Variants in LCORL observed in about 807,000 individuals in gnomAD.
LCORL encodes the protein ligand-dependent nuclear receptor corepressor-like protein.
In LCORL, 41 loss-of-function variants were observed where a neutral mutation model predicts 141.8. That is an observed-to-expected ratio of 0.29 (90% CI 0.23 to 0.38). The LOEUF (loss-of-function observed/expected upper bound fraction) is 0.38, where lower values mean the gene tolerates loss of function less well. Among genes scored for constraint, LCORL ranks in the 10% least tolerant of loss-of-function variants. LCORL has a pLI of 1.00. For synonymous variants in LCORL, 618 were observed against 694.1 expected (o/e 0.89, Z 1.72); for missense variants, 1,759 against 2,035.0 (o/e 0.86, Z 2.61).
chr4:18,011,497 C>G (rs1723785198), intron 1 of LCORL, among the ~76,000 whole-genome samples: 2 of 151,448 alleles, frequency 1.3e-5, no homozygotes, highest in South Asian at 4.2e-4. Context: ...ATTTATACTT[C>G]CAGTCCTACT....
chr4:17,850,912 A>C (rs1285165168), intron 7 of LCORL, among the ~76,000 whole-genome samples: 1 of 150,866 alleles, frequency 6.6e-6, no homozygotes, highest in African/African-American at 2.4e-5. Context: ...GATTAAGAAA[A>C]TGTGGCACAT....
chr4:17,972,362 C>T (rs1214909855), intron 2 of LCORL, among the ~76,000 whole-genome samples: 1 of 151,628 alleles, frequency 6.6e-6, no homozygotes, highest in African/African-American at 2.4e-5. Context: ...ACGTGTTTCA[C>T]TAAGACAAAT....
intron 6 of LCORL, chr4:17,881,556 C>T: frequency 1.0e-6 from 1 of 957,296 alleles, no homozygotes; most frequent in Middle Eastern, 5.4e-4. Context: ...ACCTATAAAA[C>T]TACTGATTAC....
At chr4:17,996,013 T>C (rs1374939713) in intron 1 of LCORL, among the ~76,000 whole-genome samples, 2 of 152,124 alleles carry the variant, frequency 1.3e-5, no homozygotes, top group East Asian at 3.8e-4. Flanking sequence ...AAAACAGATA[T>C]GTTCCAGATA....
intron 4 of LCORL, among the ~76,000 whole-genome samples, chr4:17,940,913 T>C (rs1737844608): frequency 6.6e-6 from 1 of 152,198 alleles, no homozygotes; most frequent in African/African-American, 2.4e-5. Context: ...CAAAGTAGTA[T>C]ATGCTGATTT....
chr4:17,855,107 A>G (rs1577250842), intron 7 of LCORL, among the ~76,000 whole-genome samples: 1 of 152,126 alleles, frequency 6.6e-6, no homozygotes, highest in African/African-American at 2.4e-5. Flanking sequence ...GAGCCACCTG[A>G]ATTTTTAATA....
At chr4:17,868,738 A>G (rs1440041446) in intron 7 of LCORL, among the ~76,000 whole-genome samples, 1 of 152,092 alleles carries the variant, frequency 6.6e-6, no homozygotes, top group Non-Finnish European at 1.5e-5. Flanking sequence ...GCTTCTCACT[A>G]TTCACAGAAC....
chr4:17,884,859 T>C lies in LCORL; in HGVS notation c.776+1209A>G. On this transcript the variant is annotated intron_variant, in intron 6 of 7. Transcript: ENST00000635767. The surrounding 1 kb of genome is among the most constrained non-coding windows in gnomAD (Gnocchi z 4.4). Reference sequence around the variant, plus strand: ...TATTATACTCCTTGCTTAGGTAACATCACTGCTTATGACACTTTTAAGTCT... The same window carrying C: ...TATTATACTCCTTGCTTAGGTAACACCACTGCTTATGACACTTTTAAGTCT... 1 of 541,794 alleles carries C rather than the reference T, an allele frequency of 1.8e-6. No homozygotes were observed. The highest frequency in any genetic ancestry group is 3.0e-5 in the East Asian group (1 of 33,066). The allele number at this position is 541,794 out of a possible 1,614,324, so 33.6% of individuals were successfully genotyped here. A position where few individuals can be genotyped will look rare whatever the true frequency, so the allele number is the denominator to read the frequency against.
At chr4:17,901,469 A>G (rs1730871811) in intron 5 of LCORL, among the ~76,000 whole-genome samples, 1 of 152,152 alleles carries the variant, frequency 6.6e-6, no homozygotes, top group South Asian at 2.1e-4. Flanking sequence ...AGAACATGTG[A>G]AATATAAGAA....
At chr4:17,842,380 G>A (rs1722494847) in exon 8 of LCORL, 4 of 1,611,128 alleles carry the variant, frequency 2.5e-6, no homozygotes, top group Non-Finnish European at 1.7e-6. Flanking sequence ...ACTCTGAAAG[G>A]TATGTCATGC....
intron 4 of LCORL, among the ~76,000 whole-genome samples, chr4:17,914,839 A>T (rs758784621): frequency 3.9e-5 from 6 of 152,156 alleles, no homozygotes; most frequent in Non-Finnish European, 5.9e-5. Flanking sequence ...ATTTAAAAAG[A>T]CCTGTGTGGC....
intron 4 of LCORL, among the ~76,000 whole-genome samples, chr4:17,946,758 T>C (rs1028767888): frequency 5.3e-5 from 8 of 152,050 alleles, no homozygotes; most frequent in South Asian, 2.1e-4. Context: ...ATCTCATACA[T>C]CATTGTGTAT....
chr4:18,017,327 T>A (rs1470403968), intron 1 of LCORL, among the ~76,000 whole-genome samples: 1 of 152,144 alleles, frequency 6.6e-6, no homozygotes, highest in African/African-American at 2.4e-5. Flanking sequence ...GAAACTTTGA[T>A]TATACTATGT....
At chr4:17,843,029 C>A (rs1421391708) in exon 8 of LCORL, 2 of 228,290 alleles carry the variant, frequency 8.8e-6, no homozygotes, top group Non-Finnish European at 1.7e-5. Context: ...TAATTACAAG[C>A]TTCATTACAA....
intron 2 of LCORL, among the ~76,000 whole-genome samples, chr4:17,963,531 G>C (rs1342018843): frequency 6.6e-6 from 1 of 151,834 alleles, no homozygotes; most frequent in Non-Finnish European, 1.5e-5. Context: ...AAAGTCTATA[G>C]CTCAAAAGTC....
At chr4:17,968,703 A>T (rs74963873) in intron 2 of LCORL, among the ~76,000 whole-genome samples, 19,265 of 152,276 alleles carry the variant, frequency 0.13, 1,358 homozygotes, top group South Asian at 0.26. Flanking sequence ...GTATAAAAGC[A>T]GCCATAGTCA....
At position 17,884,695 on chromosome 4, in the gene LCORL, A is replaced by G. The variant is rs1560288702; in HGVS notation, c.776+1373T>C. The G allele has an allele frequency of 1.3e-6, 2 of 1,518,526 alleles. No homozygotes were observed. The highest frequency in any genetic ancestry group is 2.5e-5 in the East Asian group (1 of 40,760). The allele number at this position is 1,518,526 out of a possible 1,614,324, so 94.1% of individuals were successfully genotyped here. A position where few individuals can be genotyped will look rare whatever the true frequency, so the allele number is the denominator to read the frequency against. On this transcript the variant is annotated intron_variant, in intron 6 of 7. Transcript: ENST00000635767. This position sits in a 1 kb window ranked among gnomAD's most constrained non-coding sequence, Gnocchi z 4.4. ...TGTCTTTCAAAGCTTTTGAGAGCAA[A>G]CCATCTGCAAACTCAGCACTTCTTT...
chr4:17,882,822 T>G, intron 6 of LCORL: 1 of 984,710 alleles, frequency 1.0e-6, no homozygotes, highest in Non-Finnish European at 1.2e-6. Flanking sequence ...AAACCAAAAT[T>G]ATCATTCTCA....
intron 5 of LCORL, among the ~76,000 whole-genome samples, chr4:17,907,658 T>C (rs1731854091): frequency 6.6e-6 from 1 of 152,298 alleles, no homozygotes; most frequent in East Asian, 1.9e-4. Flanking sequence ...TGTGAGGATT[T>C]TTTTTACCCA....
Sources: allele counts gnomAD v4.1 joint callset (sites outside exome capture counted in the v4.1 genomes callset), GRCh38; gene constraint gnomAD v4.1.1; non-coding constraint Gnocchi (gnomAD v3.1); transcripts MANE v1.5; gene names NCBI Gene and HGNC (gene_info 2026-07-23, HGNC 2026-07-21).